PDZD2: variants seen among roughly 807,000 people sequenced by gnomAD.
PDZD2 encodes PDZ domain-containing protein 2.
Under a neutral mutation model 220.7 loss-of-function variants are expected in PDZD2, and 90 were observed. The observed-to-expected ratio is 0.41, with a 90% CI of 0.34 to 0.49. PDZD2 has a LOEUF of 0.49. Ranked by LOEUF, PDZD2 falls within the 20% of genes least tolerant of loss-of-function variation. The pLI is 0.28. For synonymous variants in PDZD2, 1,375 were observed against 1,450.5 expected (o/e 0.95, Z 1.18); for missense variants, 3,174 against 3,608.5 (o/e 0.88, Z 3.08).
chr5:31,986,076 CAAAAA>C (rs55659088), intron 3 of PDZD2, among the ~76,000 whole-genome samples: 13 of 102,708 alleles, frequency 1.3e-4, no homozygotes, highest in South Asian at 7.2e-4. Flanking sequence ...ACTCTTGTCT[CAAAAA>C]AAAAAAAAAA....
intron 2 of PDZD2, among the ~76,000 whole-genome samples, chr5:31,939,965 A>G (rs1056604722): frequency 5.3e-5 from 8 of 152,258 alleles, no homozygotes; most frequent in African/African-American, 1.9e-4. Context: ...GACCATGTCT[A>G]TAAAAGGGAA....
In PDZD2 at chr5:32,089,777, C is replaced by A. The variant is rs772627525; in HGVS notation, c.6329C>A (p.Ala2110Asp). The A allele has an allele frequency of 1.4e-5, 22 of 1,614,068 alleles. No homozygotes were observed. In the East Asian group the frequency reaches 4.9e-4, roughly 36 times the overall value. ...GAGACTGTATGTGGTAACAAGCCAG[C>A]TGAAAGCGACAGACGGGGAGGGTGC... ...VSETVCGNKP[A>D]ESDRRGGCLA... Residue 2110 changes from alanine to aspartate, a missense_variant, in exon 20 of 25, where the codon GCT becomes GAT. Transcript: ENST00000438447.
At position 32,074,454 on chromosome 5, in the gene PDZD2, C is replaced by G; in HGVS notation, c.3348C>G (p.Ser1116=). The G allele has an allele frequency of 6.2e-7, 1 of 1,614,094 alleles. No homozygotes were observed. The highest frequency in any genetic ancestry group is 8.5e-7 in the Non-Finnish European group (1 of 1,179,914). The change falls in exon 18 of 25, where the codon TCC becomes TCG. Residue 1116 remains serine, a synonymous_variant. Transcript: ENST00000438447. ...SPQQKSEGLG[S]RHRPVARVSP... is the part of the protein sequence containing the mutation. ...AGCAGAAAAGTGAAGGCCTGGGCTC[C>G]AGGCACAGACCAGTGGCCAGGGTAA...
At chr5:31,796,212 T>A (rs531925293) in intron 1 of PDZD2, among the ~76,000 whole-genome samples, 49 of 152,350 alleles carry the variant, frequency 3.2e-4, no homozygotes, top group African/African-American at 1.1e-3. Context: ...TTCATTTTGC[T>A]TTACCTTTTT....
chr5:32,051,215 G>C (rs1738510907), intron 8 of PDZD2, among the ~76,000 whole-genome samples: 1 of 152,056 alleles, frequency 6.6e-6, no homozygotes, highest in African/African-American at 2.4e-5. Context: ...CCGTATTCAA[G>C]GACTGAAAAA....
At position 31,933,680 on chromosome 5, in the gene PDZD2, G is replaced by T. The variant is rs1311332216; in HGVS notation, c.477-49475G>T. Among the ~76,000 whole-genome samples, 3 of 152,132 alleles carry T rather than the reference G, an allele frequency of 2.0e-5. No homozygotes were observed. In the East Asian group the frequency reaches 5.8e-4, roughly 29 times the overall value. On this transcript the variant is annotated intron_variant, in intron 2 of 24. Transcript: ENST00000438447. ...CAGGAAGATTTACGTTGTAACCTCA[G>T]TACTTCCACTAATGTGCCCTGTGAT...
chr5:31,848,008 G>C, intron 2 of PDZD2: 1 of 391,438 alleles, frequency 2.6e-6, no homozygotes, highest in South Asian at 2.3e-5. Context: ...CTATGCAAGA[G>C]AATCCAATCT....
chr5:31,999,375 T>C (rs1751917610), intron 4 of PDZD2, among the ~76,000 whole-genome samples: 1 of 151,476 alleles, frequency 6.6e-6, no homozygotes, highest in South Asian at 2.1e-4. Flanking sequence ...AAACCAGGCC[T>C]GGTGGCACGC....
At chr5:31,773,306 A>C (rs1038656068) in intron 1 of PDZD2, among the ~76,000 whole-genome samples, 4 of 152,168 alleles carry the variant, frequency 2.6e-5, no homozygotes, top group African/African-American at 7.2e-5. Context: ...CATTCTAACT[A>C]TTCAGCAAGA....
intron 2 of PDZD2, among the ~76,000 whole-genome samples, chr5:31,922,766 C>A (rs71627336): frequency 1.8e-4 from 28 of 152,014 alleles, no homozygotes; most frequent in Admixed American, 1.2e-3. Flanking sequence ...CCCCGCCCCC[C>A]CCTCCGGGCT....
At chr5:32,035,824 A>G (rs536747314) in intron 6 of PDZD2, among the ~76,000 whole-genome samples, 2 of 152,384 alleles carry the variant, frequency 1.3e-5, no homozygotes, top group East Asian at 1.9e-4. Context: ...ATTGGGAGGA[A>G]GATTCCTGCC....
At chr5:31,789,791 G>T (rs571408303) in intron 1 of PDZD2, among the ~76,000 whole-genome samples, 2 of 152,078 alleles carry the variant, frequency 1.3e-5, no homozygotes, top group Admixed American at 6.6e-5. Context: ...GGTGGCGGGC[G>T]CCTGTAATCC....
intron 2 of PDZD2, among the ~76,000 whole-genome samples, chr5:31,859,025 C>T (rs1285429964): frequency 6.6e-6 from 1 of 152,094 alleles, no homozygotes; most frequent in Non-Finnish European, 1.5e-5. Context: ...AAGGTTTTTG[C>T]ATTTCTGACA....
At chr5:31,797,264 G>A (rs980538245) in intron 1 of PDZD2, among the ~76,000 whole-genome samples, 1 of 150,466 alleles carries the variant, frequency 6.6e-6, no homozygotes, top group African/African-American at 2.4e-5. Context: ...GTTTTTATAT[G>A]TATGGAGCCA....
intron 1 of PDZD2, among the ~76,000 whole-genome samples, chr5:31,684,862 A>G (rs1487555418): frequency 3.3e-5 from 5 of 152,108 alleles, no homozygotes; most frequent in Non-Finnish European, 5.9e-5. Context: ...GTCTCAACTC[A>G]TGTCACCCCC....
At chr5:31,711,179 G>A (rs1370648410) in intron 1 of PDZD2, among the ~76,000 whole-genome samples, 2 of 152,134 alleles carry the variant, frequency 1.3e-5, no homozygotes, top group Non-Finnish European at 2.9e-5. Context: ...TTGGTCAAGG[G>A]ATCTGGACTG....
At chr5:31,845,920 T>C (rs1462554455) in intron 2 of PDZD2, among the ~76,000 whole-genome samples, 2 of 152,214 alleles carry the variant, frequency 1.3e-5, no homozygotes, top group Admixed American at 6.5e-5. Flanking sequence ...ATCTATATTG[T>C]AAATAATGGC....
intron 1 of PDZD2, among the ~76,000 whole-genome samples, chr5:31,666,682 A>T (rs942512125): frequency 6.6e-6 from 1 of 152,236 alleles, no homozygotes; most frequent in Non-Finnish European, 1.5e-5. Context: ...TCCAGTCTGA[A>T]AGCATGGTTT....
At chr5:31,881,004 G>A (rs1006703069) in intron 2 of PDZD2, among the ~76,000 whole-genome samples, 7 of 151,594 alleles carry the variant, frequency 4.6e-5, no homozygotes, top group African/African-American at 7.3e-5. Flanking sequence ...GTTTCACCAC[G>A]TTGGCCAGCC....
Sources: allele counts gnomAD v4.1 joint callset (sites outside exome capture counted in the v4.1 genomes callset), GRCh38; gene constraint gnomAD v4.1.1; transcripts MANE v1.5; gene names NCBI Gene and HGNC (gene_info 2026-07-23, HGNC 2026-07-21).